Variants in KCNU1 observed in about 807,000 individuals in gnomAD.
The protein encoded by KCNU1 is potassium channel subfamily U member 1.
A neutral mutation model predicts 126.8 loss-of-function variants in KCNU1; 93 were observed. The ratio of observed to expected loss-of-function variants is 0.73; its 90% CI spans 0.62 to 0.87. The LOEUF is 0.87. Ranked by LOEUF, KCNU1 falls within the 40% of genes least tolerant of loss-of-function variation. The pLI is 0.00. For synonymous variants in KCNU1, 523 were observed against 494.2 expected, an observed-to-expected ratio of 1.06 and a Z score of -0.77; for missense variants, 1,330 against 1,367.1, an observed-to-expected ratio of 0.97 and a Z score of 0.43.
chr8:36,867,154 A>C (rs145320761), intron 19 of KCNU1, among the ~76,000 whole-genome samples: 42 of 152,288 alleles, frequency 2.8e-4, no homozygotes, highest in African/African-American at 9.4e-4. Flanking sequence ...TCAGAAGCCA[A>C]ATAAAGTGGT....
intron 19 of KCNU1, among the ~76,000 whole-genome samples, chr8:36,893,263 C>A (rs1256539660): frequency 6.6e-6 from 1 of 151,782 alleles, no homozygotes; most frequent in Non-Finnish European, 1.5e-5. Context: ...CATGAGCCAC[C>A]ACATCTGGCC....
At chr8:36,917,517 ATTTTTT>A (rs112813620) in intron 22 of KCNU1, among the ~76,000 whole-genome samples, 1 of 146,872 alleles carries the variant, frequency 6.8e-6, no homozygotes, top group Non-Finnish European at 1.5e-5. Flanking sequence ...CACCCAGCTA[ATTTTTT>A]TTTTTTAATT....
intron 22 of KCNU1, among the ~76,000 whole-genome samples, chr8:36,913,145 A>T (rs1807953541): frequency 6.6e-6 from 1 of 152,040 alleles, no homozygotes; most frequent in African/African-American, 2.4e-5. Context: ...TAAACCTATG[A>T]TTATAATTTT....
At chr8:36,829,079 C>A (rs1804430969) in intron 10 of KCNU1, among the ~76,000 whole-genome samples, 1 of 151,990 alleles carries the variant, frequency 6.6e-6, no homozygotes. Context: ...ACATACTCAT[C>A]CATGTGTTTT....
At chr8:36,798,681 T>C (rs1803194713) in intron 2 of KCNU1, among the ~76,000 whole-genome samples, 1 of 152,144 alleles carries the variant, frequency 6.6e-6, no homozygotes, top group African/African-American at 2.4e-5. Flanking sequence ...CCAGACAAAC[T>C]CAACCAATTG....
chr8:36,912,458 C>T (rs2117539759), intron 22 of KCNU1, among the ~76,000 whole-genome samples: 1 of 152,238 alleles, frequency 6.6e-6, no homozygotes, highest in Non-Finnish European at 1.5e-5. Context: ...TCATGAATAT[C>T]AAAGTGCCAT....
chr8:36,839,876 C>T (rs1804887408), intron 14 of KCNU1, among the ~76,000 whole-genome samples: 1 of 152,106 alleles, frequency 6.6e-6, no homozygotes, highest in Non-Finnish European at 1.5e-5. Flanking sequence ...GTGCATTTAG[C>T]CATTTTGAGA....
At chr8:36,817,524 A>AAAAT in intron 9 of KCNU1, 126 bp from the exon 10 acceptor site, 1 of 476,160 alleles carries the variant, frequency 2.1e-6, no homozygotes, top group Admixed American at 3.6e-5. Flanking sequence ...AAAAAAAAAA[A>AAAAT]ATCTGGGTGA....
At chr8:36,887,394 AT>A (rs1258355012) in intron 19 of KCNU1, among the ~76,000 whole-genome samples, 1 of 131,504 alleles carries the variant, frequency 7.6e-6, no homozygotes, top group Non-Finnish European at 1.6e-5. Context: ...TTAGTTGAGC[AT>A]TTTTCTGAAA....
chr8:36,837,076 G>T, intron 14 of KCNU1, 131 bp downstream of exon 14: 1 of 813,010 alleles, frequency 1.2e-6, no homozygotes, highest in Non-Finnish European at 2.0e-6. Flanking sequence ...GCTTGAGCTG[G>T]GAAGGGATTA....
chr8:36,902,267 A>T (rs967437962), intron 19 of KCNU1, among the ~76,000 whole-genome samples: 2 of 152,164 alleles, frequency 1.3e-5, no homozygotes, highest in South Asian at 2.1e-4. Flanking sequence ...CAGCTTGTAT[A>T]CATATACCAC....
intron 19 of KCNU1, among the ~76,000 whole-genome samples, chr8:36,897,439 T>A: frequency 6.6e-6 from 1 of 152,024 alleles, no homozygotes; most frequent in Non-Finnish European, 1.5e-5. Flanking sequence ...AAGTGGAACA[T>A]CTAAATAGTT....
chr8:36,806,166 G>A (rs62502887), intron 4 of KCNU1, 103 bp from the exon 5 acceptor site: 2 of 651,408 alleles, frequency 3.1e-6, no homozygotes, highest in African/African-American at 3.7e-5. Flanking sequence ...AGGAGATCAA[G>A]GCTTCAGCTG....
chr8:36,875,135 C>T (rs1352628813), intron 19 of KCNU1, among the ~76,000 whole-genome samples: 1 of 151,850 alleles, frequency 6.6e-6, no homozygotes, highest in African/African-American at 2.4e-5. Context: ...ATTTTCTGTC[C>T]GTCTCAAACT....
intron 19 of KCNU1, among the ~76,000 whole-genome samples, chr8:36,866,556 C>T (rs780305553): frequency 6.6e-6 from 1 of 152,084 alleles, no homozygotes; most frequent in Non-Finnish European, 1.5e-5. Flanking sequence ...CCAAATTTTG[C>T]CTGGCTATTT....
In KCNU1 at chr8:36,823,127, C is replaced by T. The variant is rs984482372; in HGVS notation, c.1106+5367C>T. ...TTAGGGGATGGGGCAGATCAGAATA[C>T]GCATTCAGAAGAAAGTACCATTCAA... is the stretch of plus-strand genomic sequence containing the variant. On this transcript the variant is annotated intron_variant, in intron 10 of 26. Transcript: ENST00000399881. 5.9e-5 allele frequency among the ~76,000 whole-genome samples: 9 copies of T among 152,170 alleles called. No homozygotes were observed. In the East Asian group the frequency reaches 9.7e-4, roughly 16 times the overall value.
At chr8:36,869,785 T>G (rs1259204819) in intron 19 of KCNU1, among the ~76,000 whole-genome samples, 4 of 152,190 alleles carry the variant, frequency 2.6e-5, no homozygotes, top group African/African-American at 9.7e-5. Context: ...TGAAAAATGT[T>G]TCATGCTGTT....
intron 2 of KCNU1, among the ~76,000 whole-genome samples, chr8:36,793,326 A>G (rs1025478308): frequency 1.6e-4 from 25 of 152,116 alleles, no homozygotes; most frequent in African/African-American, 5.8e-4. Context: ...CACGTTGTGC[A>G]CATGTACCCT....
At chr8:36,934,288 A>G (rs934910662) in intron 26 of KCNU1, among the ~76,000 whole-genome samples, 1 of 152,120 alleles carries the variant, frequency 6.6e-6, no homozygotes. Flanking sequence ...ATGTAAAAAG[A>G]TGGCTGCACT....
Sources: gnomAD v4.1 joint callset for allele counts (sites outside exome capture counted in the v4.1 genomes callset) on GRCh38, gnomAD v4.1.1 for gene constraint, MANE v1.5 for transcripts, NCBI Gene and HGNC (gene_info 2026-07-23, HGNC 2026-07-21) for gene names.